Variants in KCNK2 observed in about 807,000 individuals in gnomAD.
KCNK2 encodes potassium channel subfamily K member 2.
A neutral mutation model predicts 40.5 loss-of-function variants in KCNK2; 21 were observed. The ratio of observed to expected loss-of-function variants is 0.52; its 90% CI spans 0.37 to 0.75. The LOEUF (loss-of-function observed/expected upper bound fraction) is 0.75. KCNK2 is among the 30% of genes least tolerant of loss of function. The probability of loss-of-function intolerance (pLI) is 0.00; values close to 1 mark genes in which losing one functional copy is unlikely to be tolerated. For missense variants in KCNK2, 399 were observed against 531.6 expected (o/e 0.75, Z 2.45); for synonymous variants, 191 against 202.2 (o/e 0.94, Z 0.47).
chr1:215,156,723 C>T (rs1418672870), intron 3 of KCNK2, among the ~76,000 whole-genome samples: 5 of 151,964 alleles, frequency 3.3e-5, no homozygotes, highest in South Asian at 2.1e-4. Flanking sequence ...ACAGTCATGG[C>T]GGAGGTGAAG....
intron 2 of KCNK2, among the ~76,000 whole-genome samples, chr1:215,113,875 CATGTAATCCCAACAG>C (rs1660809940): frequency 6.6e-6 from 1 of 152,124 alleles, no homozygotes; most frequent in African/African-American, 2.4e-5. Flanking sequence ...GGACTACAGG[CATGTAATCCCAACAG>C]ATGTACAGCC....
intron 6 of KCNK2, among the ~76,000 whole-genome samples, chr1:215,223,241 TAAAAAAAAAA>T (rs56890763): frequency 4.5e-5 from 5 of 112,054 alleles, no homozygotes; most frequent in Non-Finnish European, 9.0e-5. Context: ...AGCTCTTTTC[TAAAAAAAAAA>T]AAAAAAAAAA....
intron 5 of KCNK2, among the ~76,000 whole-genome samples, chr1:215,178,145 C>T (rs1010503506): frequency 6.6e-6 from 1 of 151,776 alleles, no homozygotes; most frequent in Non-Finnish European, 1.5e-5. Flanking sequence ...TGATTGTGTC[C>T]TTAATTTGGC....
At chr1:215,010,888 G>A (rs1172734961) in intron 1 of KCNK2, among the ~76,000 whole-genome samples, 2 of 136,962 alleles carry the variant, frequency 1.5e-5, no homozygotes, top group African/African-American at 5.2e-5. Context: ...GTGTGTGTGT[G>A]TGTGTGTGTA....
At chr1:215,209,083 T>A (rs2102682273) in intron 6 of KCNK2, among the ~76,000 whole-genome samples, 1 of 151,242 alleles carries the variant, frequency 6.6e-6, no homozygotes, top group South Asian at 2.1e-4. Flanking sequence ...TGCCTTGGCC[T>A]CCCAAAGTGC....
At chr1:215,231,466 T>C (rs1209348904) in intron 6 of KCNK2, among the ~76,000 whole-genome samples, 1 of 152,158 alleles carries the variant, frequency 6.6e-6, no homozygotes, top group Non-Finnish European at 1.5e-5. Flanking sequence ...TCGGTGTTGC[T>C]CTTTTAAATA....
intron 1 of KCNK2, among the ~76,000 whole-genome samples, chr1:215,062,326 T>C (rs569321393): frequency 2.0e-4 from 31 of 152,240 alleles, no homozygotes; most frequent in African/African-American, 7.0e-4. Context: ...TTTGTTTTAC[T>C]GTACTACTTT....
At chr1:215,167,536 G>A (rs924607877) in intron 3 of KCNK2, among the ~76,000 whole-genome samples, 8 of 152,072 alleles carry the variant, frequency 5.3e-5, no homozygotes, top group African/African-American at 1.9e-4. Flanking sequence ...AGTAAATGAA[G>A]TTGAGCTACT....
chr1:215,205,223 A>G (rs1256233917), intron 6 of KCNK2, among the ~76,000 whole-genome samples: 1 of 152,140 alleles, frequency 6.6e-6, no homozygotes, highest in East Asian at 1.9e-4. Context: ...TGTGGGCAGA[A>G]TTCATATGAG....
chr1:215,030,600 T>C (rs1336646815), intron 1 of KCNK2, among the ~76,000 whole-genome samples: 1 of 151,994 alleles, frequency 6.6e-6, no homozygotes, highest in Non-Finnish European at 1.5e-5. Context: ...AGCGGTGTGA[T>C]CATGGATCAC....
At chr1:215,138,944 A>G (rs551876718) in intron 3 of KCNK2, among the ~76,000 whole-genome samples, 2 of 152,210 alleles carry the variant, frequency 1.3e-5, no homozygotes, top group African/African-American at 4.8e-5. Context: ...GCAACTTAAG[A>G]TAGGTGCTTT....
chr1:215,071,198 T>C (rs994555337), intron 1 of KCNK2, among the ~76,000 whole-genome samples: 27 of 152,192 alleles, frequency 1.8e-4, no homozygotes, highest in Non-Finnish European at 1.6e-4. Flanking sequence ...ATTGGCTGTG[T>C]TAGTTCTGGT....
chr1:215,148,367 G>C (rs1662531222), intron 3 of KCNK2, among the ~76,000 whole-genome samples: 1 of 151,810 alleles, frequency 6.6e-6, no homozygotes, highest in African/African-American at 2.4e-5. Context: ...GACCCACCAT[G>C]CCTGTACATT....
intron 1 of KCNK2, among the ~76,000 whole-genome samples, chr1:215,020,978 G>A (rs1029043090): frequency 3.8e-4 from 58 of 152,028 alleles, no homozygotes; most frequent in Middle Eastern, 3.4e-3. Context: ...AAATTCAATC[G>A]TGGTGGGAAG....
intron 1 of KCNK2, among the ~76,000 whole-genome samples, chr1:215,024,685 G>T (rs373765912): frequency 1.3e-5 from 2 of 152,034 alleles, no homozygotes; most frequent in East Asian, 3.9e-4. Context: ...ATATCAAAGA[G>T]CCCTAAATGA....
At chr1:215,094,018 C>T (rs1659871320) in intron 2 of KCNK2, among the ~76,000 whole-genome samples, 1 of 141,916 alleles carries the variant, frequency 7.0e-6, no homozygotes, top group African/African-American at 2.6e-5. Context: ...TCATTACTTT[C>T]AATGGCCAAA....
intron 2 of KCNK2, among the ~76,000 whole-genome samples, chr1:215,092,287 C>T (rs1468833612): frequency 6.6e-6 from 1 of 152,092 alleles, no homozygotes; most frequent in Non-Finnish European, 1.5e-5. Flanking sequence ...AGGGAATGAA[C>T]AGAATGGGGC....
At chr1:215,153,301 A>G (rs2102615200) in intron 3 of KCNK2, among the ~76,000 whole-genome samples, 1 of 152,290 alleles carries the variant, frequency 6.6e-6, no homozygotes, top group African/African-American at 2.4e-5. Context: ...CTCAGTAACT[A>G]GGTATATTCT....
chr1:215,214,613 C>G (rs919446453), intron 6 of KCNK2, among the ~76,000 whole-genome samples: 6 of 152,034 alleles, frequency 3.9e-5, no homozygotes, highest in Admixed American at 1.3e-4. Context: ...ATCCCTTGAG[C>G]CTAGGAGTTC....
Sources: gnomAD v4.1 joint callset for allele counts (sites outside exome capture counted in the v4.1 genomes callset) on GRCh38, gnomAD v4.1.1 for gene constraint, MANE v1.5 for transcripts, NCBI Gene and HGNC (gene_info 2026-07-23, HGNC 2026-07-21) for gene names.